CD48: variants seen among roughly 807,000 people sequenced by gnomAD.
CD48 encodes the protein CD48 antigen.
Under a neutral mutation model 22.0 loss-of-function variants are expected in CD48, and 20 were observed. That is an observed-to-expected ratio of 0.91 (90% CI 0.64 to 1.32). CD48 has a LOEUF of 1.32. Among genes scored for constraint, CD48 ranks in the 40% most tolerant of loss-of-function variants. The pLI, the probability that CD48 is intolerant of heterozygous loss-of-function variation, is 0.00. For synonymous variants in CD48, 110 were observed against 110.1 expected (o/e 1.00, Z 0.01); for missense variants, 307 against 286.5 (o/e 1.07, Z -0.52).
intron 1 of CD48, among the ~76,000 whole-genome samples, chr1:160,709,160 T>C (rs1662878225): frequency 6.7e-6 from 1 of 149,782 alleles, no homozygotes; most frequent in Admixed American, 6.7e-5. Context: ...TAAATAGCAA[T>C]ACATAGCGGA....
chr1:160,689,666 T>C (rs1662131501), intron 1 of CD48, among the ~76,000 whole-genome samples: 1 of 152,210 alleles, frequency 6.6e-6, no homozygotes, highest in Non-Finnish European at 1.5e-5. Context: ...TTGGTGTGCC[T>C]GTTTCTGAGG....
chr1:160,680,414 A>G (rs1661750912), intron 3 of CD48: 1 of 216,108 alleles, frequency 4.6e-6, no homozygotes, highest in Non-Finnish European at 7.9e-6. Flanking sequence ...TTGAATCCTT[A>G]GCACGAGATA....
chr1:160,704,015 G>A (rs1460558840), intron 1 of CD48, among the ~76,000 whole-genome samples: 1 of 151,854 alleles, frequency 6.6e-6, no homozygotes, highest in Admixed American at 6.6e-5. Context: ...GTCTTGTCCT[G>A]TAAAAAAAAA....
chr1:160,678,817 A>G lies in CD48; in HGVS notation c.*235T>C, dbSNP rs1020127303. The G allele has an allele frequency of 9.0e-5, 36 of 399,544 alleles. No homozygotes were observed. The highest frequency in any genetic ancestry group is 1.5e-4 in the Non-Finnish European group (33 of 223,938). 24.7% of individuals were successfully genotyped at this position (399,544 alleles called of 1,614,324 possible). On this transcript the variant is annotated 3_prime_UTR_variant, in exon 4 of 4. Transcript: ENST00000368046. ...AAAACATTCACATAATGTTGTCACA[A>G]TTTTGGGTGGGAAAAAAGCATGTGT...
At chr1:160,697,976 A>G (rs1401895707) in intron 1 of CD48, among the ~76,000 whole-genome samples, 1 of 152,234 alleles carries the variant, frequency 6.6e-6, no homozygotes, top group African/African-American at 2.4e-5. Context: ...ACCAAAAATA[A>G]TAAGTCCTGT....
intron 1 of CD48, among the ~76,000 whole-genome samples, chr1:160,704,492 C>G (rs1047123855): frequency 6.6e-6 from 1 of 152,228 alleles, no homozygotes; most frequent in Non-Finnish European, 1.5e-5. Flanking sequence ...TCTTGCTGCC[C>G]TCTGCACTGA....
Position 160,679,055 on chromosome 1 carries a change from G to C in CD48, c.729C>G (p.Thr243=), listed in dbSNP as rs761278774. ...GCTTGAGTTAAAAGAGCTCATCTCA[G>C]GTAAGTAACAGGCCAAGAATGGTGG... is the stretch of plus-strand genomic sequence containing the variant. ...TVPTILGLLL[T] is the part of the protein sequence containing the mutation. The change falls in exon 4 of 4, where the codon ACC becomes ACG. Residue 243 remains threonine, a synonymous_variant. Coordinates refer to ENST00000368046, the MANE Select transcript of CD48 (RefSeq NM_001778.4). 7 of 1,612,988 alleles carry C rather than the reference G, an allele frequency of 4.3e-6. No homozygotes were observed. The African/African-American group carries it at 9.3e-5, about 22-fold the overall frequency.
At chr1:160,689,838 T>C (rs1010226328) in intron 1 of CD48, among the ~76,000 whole-genome samples, 17 of 152,240 alleles carry the variant, frequency 1.1e-4, no homozygotes, top group African/African-American at 3.9e-4. Flanking sequence ...TCCTCTTCCC[T>C]ACGTTATAAT....
intron 2 of CD48, among the ~76,000 whole-genome samples, chr1:160,682,431 T>G: frequency 7.3e-6 from 1 of 136,318 alleles, no homozygotes; most frequent in Non-Finnish European, 1.5e-5. Context: ...ACCACTGCAC[T>G]CCAGCTTGGG....
chr1:160,680,641 C>T (rs1661758051), intron 3 of CD48: 2 of 1,008,246 alleles, frequency 2.0e-6, no homozygotes, highest in South Asian at 8.2e-5. Flanking sequence ...GGGAATCTGG[C>T]TTCCTAAGTT....
At chr1:160,706,962 A>G (rs758519831) in intron 1 of CD48, among the ~76,000 whole-genome samples, 38 of 152,350 alleles carry the variant, frequency 2.5e-4, no homozygotes, top group Non-Finnish European at 5.0e-4. Flanking sequence ...AATAATAAAA[A>G]CAAAACACAT....
intron 1 of CD48, among the ~76,000 whole-genome samples, chr1:160,706,051 G>A (rs1214098189): frequency 2.6e-5 from 4 of 152,048 alleles, no homozygotes; most frequent in Admixed American, 1.3e-4. Context: ...ACAGAGGCAG[G>A]TAGTAACACC....
chr1:160,681,274 A>G lies in CD48; in HGVS notation c.580T>C (p.Tyr194His). The change falls in exon 3 of 4, where the codon TAT becomes CAT. Residue 194 changes from tyrosine (Y) to histidine (H), a missense_variant. Coordinates refer to ENST00000368046, the MANE Select transcript of CD48 (RefSeq NM_001778.4). The part of the protein sequence containing the change: ...TLMPHNYSRC[Y>H]TCQVSNSVSS... The stretch of plus-strand genomic sequence containing the variant: ...ACAGAATTGCTGACTTGGCAAGTAT[A>G]ACACCTGGAGTAATTATGTGGCATA... 6.2e-7 allele frequency: 1 copy of G among 1,614,220 alleles called. No individual in the cohort carries two copies. Among genetic ancestry groups the G allele is most frequent in the African/African-American group, 1.3e-5 (1 of 75,054 alleles).
chr1:160,700,213 AC>A (rs1451832857), intron 1 of CD48, among the ~76,000 whole-genome samples: 1 of 152,192 alleles, frequency 6.6e-6, no homozygotes, highest in Non-Finnish European at 1.5e-5. Flanking sequence ...TAATCGAGGA[AC>A]CACCTAAGAA....
intron 1 of CD48, among the ~76,000 whole-genome samples, chr1:160,698,616 T>G (rs1373340583): frequency 6.6e-6 from 1 of 152,154 alleles, no homozygotes; most frequent in Non-Finnish European, 1.5e-5. Flanking sequence ...GACAGGCTCA[T>G]GACCTTAGAA....
chr1:160,681,712 C>T (rs1037258394), intron 2 of CD48, among the ~76,000 whole-genome samples: 20 of 152,132 alleles, frequency 1.3e-4, no homozygotes, highest in African/African-American at 4.8e-4. Flanking sequence ...GCGCCACAGT[C>T]CATCATATGC....
At chr1:160,690,676 C>A (rs1170580735) in intron 1 of CD48, among the ~76,000 whole-genome samples, 18 of 152,152 alleles carry the variant, frequency 1.2e-4, no homozygotes, top group Admixed American at 9.8e-4. Flanking sequence ...TGGTGAACCA[C>A]CTGTTGTAAC....
intron 1 of CD48, among the ~76,000 whole-genome samples, chr1:160,710,410 C>A (rs1467638697): frequency 1.3e-5 from 2 of 152,098 alleles, no homozygotes; most frequent in African/African-American, 2.4e-5. Flanking sequence ...GTGTTATAAC[C>A]CAGGTTTACT....
At chr1:160,684,634 G>A in intron 2 of CD48, 2 of 1,207,610 alleles carry the variant, frequency 1.7e-6, no homozygotes, top group Non-Finnish European at 2.2e-6. Context: ...AAAATCTCTA[G>A]TTTTCCTTCT....
Sources: gnomAD v4.1 joint callset for allele counts (sites outside exome capture counted in the v4.1 genomes callset) on GRCh38, gnomAD v4.1.1 for gene constraint, MANE v1.5 for transcripts, NCBI Gene and HGNC (gene_info 2026-07-23, HGNC 2026-07-21) for gene names.